The following TNFRSF13B variants were observed in gnomAD, a reference collection of about 807,000 sequenced individuals.
The protein encoded by TNFRSF13B is TNF receptor superfamily member 13B.
In TNFRSF13B, 34 loss-of-function variants were observed where a neutral mutation model predicts 24.0. The observed-to-expected ratio is 1.41, with a 90% confidence interval of 1.08 to 1.88. TNFRSF13B has a LOEUF of 1.88. Ranked by LOEUF, TNFRSF13B falls within the 40% of genes most tolerant of loss-of-function variation. The pLI is 0.00. For missense variants in TNFRSF13B, 415 were observed against 380.8 expected (o/e 1.09, Z -0.75); for synonymous variants, 173 against 150.3 (o/e 1.15, Z -1.10).
At chr17:16,965,480 G>A (rs1219302223) in intron 1 of TNFRSF13B, among the ~76,000 whole-genome samples, 1 of 152,234 alleles carries the variant, frequency 6.6e-6, no homozygotes, top group Admixed American at 6.5e-5. Flanking sequence ...CACAGCAGGT[G>A]CTGGATAAAT....
At chr17:16,953,685 C>T (rs752245160) in intron 1 of TNFRSF13B, among the ~76,000 whole-genome samples, 5 of 152,318 alleles carry the variant, frequency 3.3e-5, no homozygotes, top group Middle Eastern at 3.4e-3. Context: ...ATCACCTTCT[C>T]CATCCTCTTC....
In TNFRSF13B at chr17:16,940,029, G is replaced by GC. The variant is rs556682209; in HGVS notation, c.632-233dup. The GC allele has an allele frequency of 6.0e-4, 578 of 955,390 alleles. 5 individuals carry two copies. In the African/African-American group the frequency reaches 8.4e-3, roughly 14 times the overall value. 59.2% of individuals were successfully genotyped at this position (955,390 alleles called of 1,614,324 possible). ...TTCTGTCCAGCACCGAGCCTGCCAC[G>GC]CCCCCCAAGGGGACACCTCCTCCTG... On this transcript the variant is annotated intron_variant, in intron 4 of 4. Transcript: ENST00000261652.
intron 2 of TNFRSF13B, among the ~76,000 whole-genome samples, chr17:16,950,577 C>T (rs1420173271): frequency 2.6e-5 from 4 of 152,164 alleles, no homozygotes; most frequent in Admixed American, 2.6e-4. Flanking sequence ...CCAGGGCGCC[C>T]CTGAACCGCA....
chr17:16,955,418 C>A (rs2087617861), intron 1 of TNFRSF13B, among the ~76,000 whole-genome samples: 1 of 152,156 alleles, frequency 6.6e-6, no homozygotes, highest in Non-Finnish European at 1.5e-5. Context: ...GTTCGTAGAA[C>A]AAATGAGAAT....
chr17:16,944,214 C>T (rs918287033), intron 3 of TNFRSF13B, among the ~76,000 whole-genome samples: 2 of 152,222 alleles, frequency 1.3e-5, no homozygotes, highest in East Asian at 3.9e-4. Flanking sequence ...CAGAGCCCCT[C>T]ACAGCCTCCC....
Position 16,948,999 on chromosome 17 carries a change from T to G in TNFRSF13B, c.200-16A>C, listed in dbSNP as rs2087569971. 11 of 1,613,924 alleles carry G rather than the reference T, an allele frequency of 6.8e-6. No homozygotes were observed. The Admixed American group carries it at 1.5e-4, about 22-fold the overall frequency. ...CTGAGTGACCCTGGGAGAGAGAAAT[T>G]CATGATACTGCTGGGTGACACAGAC... On this transcript the variant is annotated splice_polypyrimidine_tract_variant and intron_variant, in intron 2 of 4. Transcript: ENST00000261652.
chr17:16,941,237 G>A (rs1196352092), intron 3 of TNFRSF13B: 2 of 987,528 alleles, frequency 2.0e-6, no homozygotes, highest in East Asian at 1.1e-4. Flanking sequence ...TGGGTCGCAC[G>A]ACACAGAGGG....
chr17:16,944,849 C>T (rs1045364107), intron 3 of TNFRSF13B, among the ~76,000 whole-genome samples: 5 of 152,082 alleles, frequency 3.3e-5, no homozygotes, highest in Non-Finnish European at 5.9e-5. Context: ...AGGGAGCCCA[C>T]GGAAGGGGGC....
Position 16,947,264 on chromosome 17 carries a change from G to T in TNFRSF13B, c.445+1474C>A, listed in dbSNP as rs780635873. On this transcript the variant is annotated intron_variant, in intron 3 of 4. Coordinates refer to ENST00000261652, the MANE Select transcript of TNFRSF13B (RefSeq NM_012452.3). ...CTATAAGAATCCTAGAGAAATCCTG[G>T]AAAATACCATCCTGGACATTGGCCC... 5.7e-4 allele frequency among the ~76,000 whole-genome samples: 86 copies of T among 152,036 alleles called. 2 individuals are homozygous for T. The highest frequency in any genetic ancestry group is 2.6e-4 in the Non-Finnish European group (18 of 67,950).
intron 3 of TNFRSF13B, 91 bp from the exon 4 acceptor site, chr17:16,940,602 G>C: frequency 1.3e-6 from 2 of 1,542,432 alleles, no homozygotes; most frequent in Non-Finnish European, 1.7e-6. Flanking sequence ...TCCCCCTGCT[G>C]TGAGCCTGTC....
chr17:16,951,484 AT>A (rs2087588225), intron 2 of TNFRSF13B, among the ~76,000 whole-genome samples: 1 of 152,248 alleles, frequency 6.6e-6, no homozygotes, highest in African/African-American at 2.4e-5. Flanking sequence ...GTATTAGATG[AT>A]GTTAATAAAT....
At chr17:16,955,105 C>G in intron 1 of TNFRSF13B, among the ~76,000 whole-genome samples, 1 of 152,250 alleles carries the variant, frequency 6.6e-6, no homozygotes, top group Non-Finnish European at 1.5e-5. Flanking sequence ...AAGTCCCTGC[C>G]TGATCCCACT....
intron 1 of TNFRSF13B, among the ~76,000 whole-genome samples, chr17:16,964,504 G>T (rs368854831): frequency 6.6e-6 from 1 of 151,966 alleles, no homozygotes; most frequent in African/African-American, 2.4e-5. Context: ...CCCTACACCC[G>T]GCTAATTTTT....
chr17:16,951,139 G>A (rs1039406083), intron 2 of TNFRSF13B, among the ~76,000 whole-genome samples: 3 of 152,186 alleles, frequency 2.0e-5, no homozygotes, highest in Non-Finnish European at 4.4e-5. Flanking sequence ...TTTAGGAGTC[G>A]GAGTCCTGGG....
intron 3 of TNFRSF13B, chr17:16,940,994 A>G (rs1359326172): frequency 1.0e-6 from 1 of 986,914 alleles, no homozygotes; most frequent in African/African-American, 1.7e-5. Flanking sequence ...AGTGCCTGAT[A>G]CAAGACGGCC....
At chr17:16,969,731 A>T (rs1319336945) in intron 1 of TNFRSF13B, among the ~76,000 whole-genome samples, 6 of 152,216 alleles carry the variant, frequency 3.9e-5, no homozygotes, top group African/African-American at 1.2e-4. Flanking sequence ...AACTGGGCAG[A>T]TGGAGGACAA....
intron 1 of TNFRSF13B, among the ~76,000 whole-genome samples, chr17:16,969,018 G>T (rs1363005117): frequency 6.6e-6 from 1 of 152,218 alleles, no homozygotes; most frequent in Non-Finnish European, 1.5e-5. Context: ...ACACCCCTTG[G>T]GATGGCTAGA....
At chr17:16,955,422 T>C (rs2087617884) in intron 1 of TNFRSF13B, among the ~76,000 whole-genome samples, 1 of 152,182 alleles carries the variant, frequency 6.6e-6, no homozygotes, top group Non-Finnish European at 1.5e-5. Context: ...GTAGAACAAA[T>C]GAGAATTGTT....
intron 2 of TNFRSF13B, 35 bp downstream of exon 2, chr17:16,952,411 C>G (rs373802998): frequency 1.9e-6 from 3 of 1,613,526 alleles, no homozygotes; most frequent in Non-Finnish European, 2.5e-6. Context: ...GGAGGGTGAT[C>G]ACACTGTCCC....
Sources: allele counts gnomAD v4.1 joint callset (sites outside exome capture counted in the v4.1 genomes callset), GRCh38; gene constraint gnomAD v4.1.1; transcripts MANE v1.5; gene names NCBI Gene and HGNC (gene_info 2026-07-23, HGNC 2026-07-21).